ASB15: variants seen among roughly 807,000 people sequenced by gnomAD.
ASB15 encodes ankyrin repeat and SOCS box containing 15.
A neutral mutation model predicts 58.0 loss-of-function variants in ASB15; 54 were observed. That is an observed-to-expected ratio of 0.93 (90% CI 0.75 to 1.17). ASB15 has a LOEUF of 1.17. Among genes scored for constraint, ASB15 ranks in the 50% most tolerant of loss-of-function variants. The pLI, the probability that ASB15 is intolerant of heterozygous loss-of-function variation, is 0.00. For synonymous variants in ASB15, 249 were observed against 262.4 expected (o/e 0.95, Z 0.50); for missense variants, 680 against 707.4 (o/e 0.96, Z 0.44).
At position 123,577,718 on chromosome 7, in the gene ASB15, T is replaced by C. The variant is rs567404311; in HGVS notation, c.-443+10630T>C. ...TCCGTTATTAGATTTTCTTTGGATA[T>C]GGTTATGCAAACAGTTTTAAATCCA... On this transcript the variant is annotated intron_variant, in intron 1 of 13. Coordinates refer to the ASB15 transcript ENST00000451558. Among the ~76,000 whole-genome samples the C allele has an allele frequency of 2.0e-5, 3 of 152,212 alleles. No homozygotes were observed. In the South Asian group the frequency reaches 6.2e-4, roughly 32 times the overall value.
intron 1 of ASB15, among the ~76,000 whole-genome samples, chr7:123,578,384 C>T (rs1374230736): frequency 1.3e-5 from 2 of 151,740 alleles, no homozygotes; most frequent in Non-Finnish European, 2.9e-5. Context: ...TTTGCCTTGG[C>T]CTAAACATCT....
upstream of ASB15, chr7:123,598,792 G>T (rs771885387): frequency 6.6e-6 from 1 of 151,986 alleles, no homozygotes; most frequent in African/African-American, 2.4e-5. Flanking sequence ...TACTATTTCC[G>T]TCACTTGCCT....
chr7:123,585,635 T>TTGTGTGTG (rs35317220), intron 1 of ASB15, among the ~76,000 whole-genome samples: 5 of 147,422 alleles, frequency 3.4e-5, no homozygotes, highest in African/African-American at 1.2e-4. Flanking sequence ...TAGTTACTAT[T>TTGTGTGTG]TGTGTGTGTG....
rs1483280039 is a variant in ASB15 at position 123,639,265 on chromosome 7, T to C, written c.*2284T>C. 6.6e-6 allele frequency: 1 copy of C among 152,222 alleles called. No individual in the cohort carries two copies. The highest frequency in any genetic ancestry group is 1.5e-5 in the Non-Finnish European group (1 of 68,022). 9.4% of individuals were successfully genotyped at this position (152,222 alleles called of 1,614,324 possible). A position where few individuals can be genotyped will look rare whatever the true frequency, so the allele number is the denominator to read the frequency against. On this transcript the variant is annotated 3_prime_UTR_variant, in exon 12 of 12. Transcript: ENST00000451215. ...AGGGCTATAATTTTAACTTCTTGTA[T>C]TCCCTAGAGGATATATTTTATATGT... is the stretch of plus-strand genomic sequence containing the variant.
At chr7:123,597,589 T>C (rs1799735213), upstream of ASB15, among the ~76,000 whole-genome samples, 2 of 152,070 alleles carry the variant, frequency 1.3e-5, no homozygotes, top group African/African-American at 4.8e-5. Flanking sequence ...CCCAGCACTT[T>C]GGGAGGCCAA....
intron 1 of ASB15, among the ~76,000 whole-genome samples, chr7:123,581,787 T>A (rs979230036): frequency 6.6e-6 from 1 of 151,996 alleles, no homozygotes; most frequent in Non-Finnish European, 1.5e-5. Flanking sequence ...ATATCACATA[T>A]GTTTGTATAT....
chr7:123,619,905 T>TAGTTAGAATAC, intron 7 of ASB15: 1 of 152,242 alleles, frequency 6.6e-6, no homozygotes, highest in South Asian at 2.1e-4. Context: ...CTAATCCATA[T>TAGTTAGAATAC]AGTTAGAATA....
At chr7:123,614,788 A>G (rs777585759) in intron 4 of ASB15, among the ~76,000 whole-genome samples, 179 bp downstream of exon 4, 12 of 152,224 alleles carry the variant, frequency 7.9e-5, no homozygotes, top group Non-Finnish European at 1.3e-4. Context: ...CTGATCTTCC[A>G]CAAATCCTCA....
intron 4 of ASB15, among the ~76,000 whole-genome samples, chr7:123,614,895 A>G (rs966278397): frequency 6.6e-6 from 1 of 152,234 alleles, no homozygotes; most frequent in African/African-American, 2.4e-5. Context: ...TAGATTAACA[A>G]AGGGCAATGA....
Position 123,638,849 on chromosome 7 carries a change from G to A in ASB15, c.*1868G>A, listed in dbSNP as rs540850226. On this transcript the variant is annotated 3_prime_UTR_variant, in exon 12 of 12. Coordinates refer to ENST00000451215, the MANE Select transcript of ASB15 (RefSeq NM_001290258.2). Reference sequence around the variant, plus strand: ...TTGTCATGCCATATTATAGATGCCTGTGTTCCCTGCTGTCTTCCCACTAGA... The same window carrying A: ...TTGTCATGCCATATTATAGATGCCTATGTTCCCTGCTGTCTTCCCACTAGA... 3 of 152,292 alleles carry A rather than the reference G, an allele frequency of 2.0e-5. No homozygotes were observed. The highest frequency in any genetic ancestry group is 4.1e-4 in the South Asian group (2 of 4,824). The allele number at this position is 152,292 out of a possible 1,614,324, so 9.4% of individuals were successfully genotyped here.
chr7:123,616,341 A>G (rs775118208), intron 5 of ASB15, 23 bp from the exon 6 acceptor site: 4 of 1,610,320 alleles, frequency 2.5e-6, no homozygotes, highest in Non-Finnish European at 2.5e-6. Flanking sequence ...GAGATTAGTC[A>G]TCAGTCCATG....
intron 7 of ASB15, among the ~76,000 whole-genome samples, chr7:123,619,716 G>A (rs1801111406): frequency 6.6e-6 from 1 of 152,052 alleles, no homozygotes; most frequent in Admixed American, 6.6e-5. Context: ...GTAGAGATGG[G>A]GTTTCACCGT....
Position 123,629,427 on chromosome 7 carries a change from A to T in ASB15, c.1433A>T (p.Asp478Val), listed in dbSNP as rs1234704509. The part of the protein sequence containing the change: ...LPGWTSCVIK[D>V]NPFCEFITVP... Reference sequence around the variant, plus strand: ...GGATGGACATCTTGTGTAATAAAAGATAACCCGGTGAGTTATGCCTTTTCT... The same window carrying T: ...GGATGGACATCTTGTGTAATAAAAGTTAACCCGGTGAGTTATGCCTTTTCT... The change falls in exon 10 of 12, where the codon GAT becomes GTT. Residue 478 changes from aspartate (D) to valine (V), a missense_variant. Physicochemically the swap from Asp to Val is radical, Grantham distance 152 (BLOSUM62 -3). Coordinates refer to ENST00000451215, the MANE Select transcript of ASB15 (RefSeq NM_001290258.2). 3 of 1,603,992 alleles carry T rather than the reference A, an allele frequency of 1.9e-6. No individual in the cohort carries two copies. The East Asian group carries it at 6.7e-5, about 36-fold the overall frequency.
At chr7:123,617,761 C>T (rs1373945154) in intron 7 of ASB15, 24 bp downstream of exon 7, 4 of 1,577,144 alleles carry the variant, frequency 2.5e-6, no homozygotes, top group Middle Eastern at 1.7e-4. Context: ...TTTTCTAGAA[C>T]TTTTATAGTT....
rs574313172 is a variant in ASB15 at position 123,607,796 on chromosome 7, G to A, written c.-63-798G>A. On this transcript the variant is annotated intron_variant, in intron 2 of 11. Transcript: ENST00000451215. ...GCCACCAGGCCCGGCCTTCTTCCTA[G>A]ACATAGAATTACAGAAGAAGGATAG... Among the ~76,000 whole-genome samples, 6 of 152,244 alleles carry A rather than the reference G, an allele frequency of 3.9e-5. No homozygotes were observed. In the East Asian group the frequency reaches 1.2e-3, roughly 29 times the overall value.
intron 1 of ASB15, among the ~76,000 whole-genome samples, chr7:123,582,673 A>C (rs1584731815): frequency 6.6e-6 from 1 of 151,754 alleles, no homozygotes; most frequent in South Asian, 2.1e-4. Flanking sequence ...ACTCCTTCTT[A>C]TCCTTCAAGT....
chr7:123,637,929 A>G lies in ASB15; in HGVS notation c.*948A>G, dbSNP rs936293279. ...CTTTCCCGAGCTCAGTAGTTAGCAC[A>G]ATGCTCAATTCAGTTTCCAAAGAAA... On this transcript the variant is annotated 3_prime_UTR_variant, in exon 12 of 12. Transcript: ENST00000451215. 7.0e-6 allele frequency: 1 copy of G among 143,758 alleles called. No homozygotes were observed. The highest frequency in any genetic ancestry group is 2.6e-5 in the African/African-American group (1 of 39,126). 8.9% of individuals were successfully genotyped at this position (143,758 alleles called of 1,614,324 possible).
rs1055932783 is a variant in ASB15, at chr7:123,638,014, A to T, written c.*1033A>T. 2.0e-5 allele frequency: 3 copies of T among 151,944 alleles called. No individual in the cohort carries two copies. Among genetic ancestry groups the T allele is most frequent in the Non-Finnish European group, 4.4e-5 (3 of 68,046 alleles). The allele number at this position is 151,944 out of a possible 1,614,324, so 9.4% of individuals were successfully genotyped here. A position where few individuals can be genotyped will look rare whatever the true frequency, so the allele number is the denominator to read the frequency against. ...CCTCACCCAATAAGACAAATCACCA[A>T]ATCCTATTAAGTTTATCTCCTGAAG... On this transcript the variant is annotated 3_prime_UTR_variant, in exon 12 of 12. Coordinates refer to ENST00000451215, the MANE Select transcript of ASB15 (RefSeq NM_001290258.2).
chr7:123,581,946 TAA>T (rs1799246545), intron 1 of ASB15, among the ~76,000 whole-genome samples: 1 of 152,158 alleles, frequency 6.6e-6, no homozygotes, highest in Non-Finnish European at 1.5e-5. Context: ...TAGCAAACTG[TAA>T]AGAGCTTTTT....
Sources: gnomAD v4.1 joint callset for allele counts (sites outside exome capture counted in the v4.1 genomes callset) on GRCh38, gnomAD v4.1.1 for gene constraint, MANE v1.5 for transcripts, NCBI Gene and HGNC (gene_info 2026-07-23, HGNC 2026-07-21) for gene names.